SACS: variants seen among roughly 807,000 people sequenced by gnomAD.
SACS encodes sacsin molecular chaperone, also known as sacsin.
In SACS, 197 loss-of-function variants were observed where a neutral mutation model predicts 348.0. The observed-to-expected ratio is 0.57, with a 90% CI of 0.50 to 0.64. SACS has a LOEUF of 0.64. Ranked by LOEUF, SACS falls within the 30% of genes least tolerant of loss-of-function variation. The pLI is 0.00. For missense variants in SACS, 4,999 were observed against 5,360.8 expected, an observed-to-expected ratio of 0.93 and a Z score of 2.11; for synonymous variants, 1,985 against 1,910.6, an observed-to-expected ratio of 1.04 and a Z score of -1.02.
rs1868797365 is a variant in SACS at position 23,337,885 on chromosome 13, A to G, written c.5991T>C (p.Ser1997=). Residue 1997 remains serine (S), a synonymous_variant, in exon 10 of 10, where the codon TCT becomes TCC. Transcript: ENST00000382292. ...AACCAACATCTCTTCTTTTAAGTATAGAGTCATCTAGAAATCTTACGTTCT... is the reference window on the plus strand; with the variant it reads ...AACCAACATCTCTTCTTTTAAGTATGGAGTCATCTAGAAATCTTACGTTCT... ...SMKNVRFLDD[S]ILKRRDVGSA... is the part of the protein sequence containing the mutation. The G allele has an allele frequency of 1.9e-6, 3 of 1,613,788 alleles. No individual in the cohort carries two copies. The highest frequency in any genetic ancestry group is 1.7e-6 in the Non-Finnish European group (2 of 1,179,934).
Position 23,354,949 on chromosome 13 carries a change from C to T in SACS, c.1663G>A (p.Glu555Lys), listed in dbSNP as rs868218305. The T allele has an allele frequency of 3.1e-6, 5 of 1,614,094 alleles. No individual in the cohort carries two copies. The African/African-American group carries it at 4.0e-5, about 13-fold the overall frequency. The part of the protein sequence containing the change: ...WQPVLEPLFS[E>K]LLQNAVIYSI... ...TAAATCACTGCATTCTGCAACAGCT[C>T]GCTGAATAGAGGCTCTAACACCGGT... The change falls in exon 8 of 10, where the codon GAG (glutamate) becomes AAG (lysine). Residue 555 changes from glutamate (E) to lysine (K), a missense_variant. Glu to Lys is a moderately conservative substitution (Grantham distance 56, BLOSUM62 1). Around this residue, in one of 6 missense-constraint regions of SACS, gnomAD observed 3,156 missense variants for 3,380.1 expected, o/e 0.93. Coordinates refer to ENST00000382292, the MANE Select transcript of SACS (RefSeq NM_014363.6).
At position 23,337,167 on chromosome 13, in the gene SACS, C is replaced by T. The variant is rs768517084; in HGVS notation, c.6709G>A (p.Glu2237Lys). ...LDWKGNSFKP[E>K]TMFAATDLYT... ...AGGTCAGTTGCTGCAAACATGGTTT[C>T]AGGCTTAAAACTGTTGCCTTTCCAG... Residue 2237 changes from glutamate (E) to lysine (K), a missense_variant, in exon 10 of 10, where the codon GAA (glutamate) becomes AAA (lysine). Physicochemically the swap from Glu to Lys is moderately conservative, Grantham distance 56 (BLOSUM62 1). This residue lies in a region of SACS where 3,156 missense variants were observed against 3,380.1 expected (regional missense o/e 0.93). Coordinates refer to ENST00000382292, the MANE Select transcript of SACS (RefSeq NM_014363.6). 3.1e-6 allele frequency: 5 copies of T among 1,613,850 alleles called. No homozygotes were observed. The highest frequency in any genetic ancestry group is 2.2e-5 in the South Asian group (2 of 91,070).
At position 23,331,939 on chromosome 13, in the gene SACS, T is replaced by C. The variant is rs141493539; in HGVS notation, c.11937A>G (p.Glu3979=). ...TGGGAGTCTCTTCATCTAATTGTTC[T>C]TCAAGTATACTGCTCAATAATCGAG... ...LRPRLLSSIL[E]EQLDEETPKV... Residue 3979 remains glutamate (E), a synonymous_variant, in exon 10 of 10, where the codon GAA becomes GAG. Transcript: ENST00000382292. 2.5e-6 allele frequency: 4 copies of C among 1,614,012 alleles called. No individual in the cohort carries two copies. Among genetic ancestry groups the C allele is most frequent in the African/African-American group, 2.7e-5 (2 of 74,928 alleles).
Position 23,340,287 on chromosome 13 carries a change from A to C in SACS, c.3589T>G (p.Ser1197Ala). ...CDVGHAILIG[S>A]SLPLVESIHV... ...ATACTTTCAACAAGAGGAAGTGAGGAGCCAATGAGAATTGCATGGCCTACA... is the reference window on the plus strand; with the variant it reads ...ATACTTTCAACAAGAGGAAGTGAGGCGCCAATGAGAATTGCATGGCCTACA... Residue 1197 changes from serine to alanine, a missense_variant, in exon 10 of 10, where the codon TCC (serine) becomes GCC (alanine). Around this residue, in one of 6 missense-constraint regions of SACS, gnomAD observed 3,156 missense variants for 3,380.1 expected, o/e 0.93. Transcript: ENST00000382292. 2 of 1,613,786 alleles carry C rather than the reference A, an allele frequency of 1.2e-6. No homozygotes were observed. Among genetic ancestry groups the C allele is most frequent in the Non-Finnish European group, 1.7e-6 (2 of 1,179,812 alleles).
chr13:23,360,242 T>C (rs1378584528), intron 6 of SACS, among the ~76,000 whole-genome samples: 1 of 152,088 alleles, frequency 6.6e-6, no homozygotes, highest in African/African-American at 2.4e-5. Flanking sequence ...TATGATACTG[T>C]CAGTCTTTAT....
intron 1 of SACS, among the ~76,000 whole-genome samples, chr13:23,429,507 C>T (rs904612004): frequency 4.0e-5 from 6 of 151,752 alleles, no homozygotes; most frequent in African/African-American, 9.7e-5. Flanking sequence ...GGACTACAGG[C>T]GCCCGCCACC....
rs1463244133 is a variant in SACS at position 23,363,837 on chromosome 13, C to G, written c.457+1329G>C. Among the ~76,000 whole-genome samples the G allele has an allele frequency of 2.0e-5, 3 of 152,288 alleles. No individual in the cohort carries two copies. In the South Asian group the frequency reaches 6.2e-4, roughly 32 times the overall value. On this transcript the variant is annotated intron_variant, in intron 6 of 9. Coordinates refer to ENST00000382292, the MANE Select transcript of SACS (RefSeq NM_014363.6). ...GTCAGTGTGAGGGTCACAGCTGCCA[C>G]TGAGTGTAACAGTGCCTGGGGGGCA...
At position 23,354,623 on chromosome 13, in the gene SACS, C is replaced by A. The variant is rs942220473; in HGVS notation, c.1989G>T (p.Leu663=). ...FVLSDQAYSE[L]LGLELLPLQN... ...GTAAAGGGAGCAGCTCCAGCCCAAGCAGCTCACTGTAGGCTTGGTCAGAAA... is the reference window on the plus strand; with the variant it reads ...GTAAAGGGAGCAGCTCCAGCCCAAGAAGCTCACTGTAGGCTTGGTCAGAAA... Residue 663 remains leucine, a synonymous_variant, in exon 8 of 10, where the codon CTG becomes CTT. Transcript: ENST00000382292. 6 of 1,614,232 alleles carry A rather than the reference C, an allele frequency of 3.7e-6. No homozygotes were observed. Among genetic ancestry groups the A allele is most frequent in the East Asian group, 4.5e-5 (2 of 44,888 alleles).
chr13:23,411,182 A>G (rs376069078), intron 2 of SACS, 38 bp downstream of exon 2: 198 of 1,563,546 alleles, frequency 1.3e-4, no homozygotes, highest in Middle Eastern at 1.7e-4. Flanking sequence ...TAAAATCCCA[A>G]TGCAAATTAT....
rs1477619969 is a variant in SACS at position 23,365,259 on chromosome 13, C to G, written c.364G>C (p.Glu122Gln). The change falls in exon 6 of 10, where the codon GAA (glutamate) becomes CAA (glutamine). Residue 122 changes from glutamate to glutamine, a missense_variant. Transcript: ENST00000382292. ...TTAACTTCTGTCGCCCCAGCATCTTCTGCATTCTGAATTAATTCCTAACCA... is the reference window on the plus strand; with the variant it reads ...TTAACTTCTGTCGCCCCAGCATCTTGTGCATTCTGAATTAATTCCTAACCA... The part of the protein sequence containing the change: ...QILKELIQNA[E>Q]DAGATEVKFL... 6.2e-7 allele frequency: 1 copy of G among 1,606,778 alleles called. No individual in the cohort carries two copies. The highest frequency in any genetic ancestry group is 1.1e-5 in the South Asian group (1 of 89,194).
rs1869226731 is a variant in SACS, at chr13:23,341,572, A to G, written c.2304T>C (p.Asp768=). ...RELIVQWYPF[D]ENRNHPSVSW... ...AAACAGATGGGTGATTTCTGTTTTCATCAAATGGATACCATTGAACAATCA... is the reference window on the plus strand; with the variant it reads ...AAACAGATGGGTGATTTCTGTTTTCGTCAAATGGATACCATTGAACAATCA... The change falls in exon 10 of 10, where the codon GAT becomes GAC. Residue 768 remains aspartate, a synonymous_variant. Transcript: ENST00000382292. The G allele has an allele frequency of 6.2e-7, 1 of 1,614,118 alleles. No homozygotes were observed.
chr13:23,409,467 C>T (rs1192331299), intron 2 of SACS, among the ~76,000 whole-genome samples: 2 of 148,792 alleles, frequency 1.3e-5, no homozygotes, highest in Admixed American at 1.3e-4. Context: ...AGCGATTCTA[C>T]TGCCTCAGCC....
At chr13:23,409,354 GTTTT>G (rs542678644) in intron 2 of SACS, among the ~76,000 whole-genome samples, 11 of 105,660 alleles carry the variant, frequency 1.0e-4, no homozygotes, top group Non-Finnish European at 1.7e-4. Flanking sequence ...CGCGCTGGCC[GTTTT>G]TTTTTTTTTT....
intron 4 of SACS, among the ~76,000 whole-genome samples, chr13:23,370,074 G>A (rs1871292294): frequency 6.6e-6 from 1 of 152,032 alleles, no homozygotes; most frequent in African/African-American, 2.4e-5. Context: ...TAGCCAGGAT[G>A]GTCTTGATCT....
At chr13:23,359,519 C>T (rs1870605145) in intron 6 of SACS, among the ~76,000 whole-genome samples, 1 of 152,052 alleles carries the variant, frequency 6.6e-6, no homozygotes, top group African/African-American at 2.4e-5. Context: ...ATTATACCAC[C>T]TATGTAAAAT....
chr13:23,333,740 A>T lies in SACS; in HGVS notation c.10136T>A (p.Leu3379Ter). Residue 3379 changes from leucine to a stop codon, truncating the protein, a stop_gained, in exon 10 of 10, where the codon TTA becomes TAA. Coordinates refer to ENST00000382292, the MANE Select transcript of SACS (RefSeq NM_014363.6). LOFTEE classifies it high-confidence loss of function. The stretch of plus-strand genomic sequence containing the variant: ...AAGTGCCTCAAAATCATTTTCTACT[A>T]ATTTTTCTGCTCTAAATGTTGAAGT... The part of the protein sequence containing the change: ...VQTSTFRAEK[L>*]VENDFEALLM... The T allele has an allele frequency of 6.2e-7, 1 of 1,613,796 alleles. No individual in the cohort carries two copies. The highest frequency in any genetic ancestry group is 8.5e-7 in the Non-Finnish European group (1 of 1,179,784).
At chr13:23,378,265 G>A (rs1455326071) in intron 2 of SACS, among the ~76,000 whole-genome samples, 1 of 152,130 alleles carries the variant, frequency 6.6e-6, no homozygotes, top group Non-Finnish European at 1.5e-5. Context: ...ATTAACCAGT[G>A]AGGGCTGGAA....
intron 1 of SACS, among the ~76,000 whole-genome samples, chr13:23,413,545 C>T (rs1029167762): frequency 6.6e-6 from 1 of 152,090 alleles, no homozygotes; most frequent in Non-Finnish European, 1.5e-5. Context: ...TCTGCGTTTG[C>T]TATGCAACAA....
chr13:23,382,273 C>T lies in SACS; in HGVS notation c.21-7004G>A, dbSNP rs566523723. On this transcript the variant is annotated intron_variant, in intron 2 of 9. Coordinates refer to ENST00000382292, the MANE Select transcript of SACS (RefSeq NM_014363.6). ...GGCTCAAACAGTTCTCCTACCTTAG[C>T]CTCCCGGGTAGCTGGGATTACAGGC... is the stretch of plus-strand genomic sequence containing the variant. Among the ~76,000 whole-genome samples the T allele has an allele frequency of 1.8e-4, 28 of 152,210 alleles. No homozygotes were observed. The South Asian group carries it at 5.8e-3, about 32-fold the overall frequency.
Sources: gnomAD v4.1 joint callset for allele counts (sites outside exome capture counted in the v4.1 genomes callset) on GRCh38, gnomAD v4.1.1 for gene constraint, gnomAD v4.1.1 regional missense constraint, MANE v1.5 for transcripts, NCBI Gene and HGNC (gene_info 2026-07-23, HGNC 2026-07-21) for gene names.